NR2F1-AS1: variants seen among roughly 807,000 people sequenced by gnomAD.
The protein encoded by NR2F1-AS1 is NR2F1 antisense RNA 1.
At chr5:93,581,853 CCTCTCT>C (rs1160839598), upstream of NR2F1-AS1, among the ~76,000 whole-genome samples, 4 of 39,888 alleles carry the variant, frequency 1.0e-4, no homozygotes, top group African/African-American at 2.5e-4. Flanking sequence ...CTCTCTCTCT[CCTCTCT>C]CTCTCTCTCC....
At chr5:93,532,729 A>G (rs1751760506) in intron 4 of NR2F1-AS1, among the ~76,000 whole-genome samples, 1 of 152,226 alleles carries the variant, frequency 6.6e-6, no homozygotes, top group Non-Finnish European at 1.5e-5. Context: ...AGAAACCATG[A>G]GCCTCAGATT....
At chr5:93,545,550 T>C (rs1210676686) in intron 4 of NR2F1-AS1, among the ~76,000 whole-genome samples, 1 of 152,220 alleles carries the variant, frequency 6.6e-6, no homozygotes, top group Admixed American at 6.5e-5. Flanking sequence ...TATGCTAAAC[T>C]TCTATTAAGT....
At chr5:93,552,320 G>T (rs552052643) in intron 4 of NR2F1-AS1, among the ~76,000 whole-genome samples, 1 of 152,206 alleles carries the variant, frequency 6.6e-6, no homozygotes, top group East Asian at 1.9e-4. Flanking sequence ...GAGCAAAGAG[G>T]AAAGACTATA....
intron 4 of NR2F1-AS1, among the ~76,000 whole-genome samples, chr5:93,538,230 T>C (rs1409673407): frequency 6.6e-6 from 1 of 152,164 alleles, no homozygotes; most frequent in East Asian, 1.9e-4. Flanking sequence ...CCCAGCACTT[T>C]AGAAGGTTGA....
chr5:93,583,098 C>CT (rs1753150956), upstream of NR2F1-AS1: 1 of 152,222 alleles, frequency 6.6e-6, no homozygotes, highest in Non-Finnish European at 1.5e-5. Flanking sequence ...CAGTTGCCAG[C>CT]AGCCCTTCTC....
chr5:93,500,892 G>T (rs1274728858), intron 4 of NR2F1-AS1, among the ~76,000 whole-genome samples: 2 of 152,186 alleles, frequency 1.3e-5, no homozygotes, highest in Admixed American at 1.3e-4. Flanking sequence ...TAGGATTACA[G>T]TGTGAGCCAC....
At chr5:93,559,338 G>A (rs1358991179) in intron 2 of NR2F1-AS1, among the ~76,000 whole-genome samples, 1 of 152,216 alleles carries the variant, frequency 6.6e-6, no homozygotes, top group Admixed American at 6.5e-5. Context: ...ATCGAAGAGA[G>A]TTAGGGCTTT....
At chr5:93,462,957 C>T (rs1026000964) in intron 4 of NR2F1-AS1, among the ~76,000 whole-genome samples, 2 of 152,152 alleles carry the variant, frequency 1.3e-5, no homozygotes, top group African/African-American at 4.8e-5. Flanking sequence ...AACCTGATGA[C>T]ATGATAGAAA....
At chr5:93,538,144 AAATG>A (rs887565044) in intron 4 of NR2F1-AS1, among the ~76,000 whole-genome samples, 1 of 152,144 alleles carries the variant, frequency 6.6e-6, no homozygotes, top group Non-Finnish European at 1.5e-5. Context: ...ATGGGTTGGA[AAATG>A]AATGAATGAA....
chr5:93,488,309 C>G (rs1426230875), intron 4 of NR2F1-AS1, among the ~76,000 whole-genome samples: 1 of 152,134 alleles, frequency 6.6e-6, no homozygotes, highest in Non-Finnish European at 1.5e-5. Context: ...AGGCAACCTA[C>G]AGAATGGGAG....
intron 4 of NR2F1-AS1, among the ~76,000 whole-genome samples, chr5:93,471,872 C>G (rs1349766442): frequency 6.6e-6 from 1 of 151,820 alleles, no homozygotes; most frequent in Non-Finnish European, 1.5e-5. Context: ...ATTTGTATTT[C>G]CATCAAAGGT....
intron 4 of NR2F1-AS1, among the ~76,000 whole-genome samples, chr5:93,552,797 T>C (rs1752262436): frequency 6.6e-6 from 1 of 152,142 alleles, no homozygotes; most frequent in Non-Finnish European, 1.5e-5. Context: ...CATAAGTGAC[T>C]GTAGCAAGTT....
chr5:93,438,802 A>G (rs1227353925), intron 4 of NR2F1-AS1: 1 of 152,210 alleles, frequency 6.6e-6, no homozygotes, highest in Non-Finnish European at 1.5e-5. Flanking sequence ...TCTAACATAA[A>G]AGACTTGGGA....
intron 4 of NR2F1-AS1, among the ~76,000 whole-genome samples, chr5:93,449,384 C>T (rs1244292778): frequency 2.0e-5 from 3 of 152,090 alleles, no homozygotes; most frequent in African/African-American, 7.2e-5. Context: ...ACAGTAAAGG[C>T]CTGGATACAG....
intron 4 of NR2F1-AS1, among the ~76,000 whole-genome samples, chr5:93,455,343 T>C (rs1021888662): frequency 7.9e-5 from 12 of 152,316 alleles, no homozygotes; most frequent in East Asian, 3.9e-4. Flanking sequence ...TATGTAAAGA[T>C]AGACTGTGAT....
intron 4 of NR2F1-AS1, among the ~76,000 whole-genome samples, chr5:93,421,929 T>TA (rs1749097380): frequency 6.6e-6 from 1 of 152,226 alleles, no homozygotes; most frequent in South Asian, 2.1e-4. Context: ...AACCTTAAAT[T>TA]ACGGCTTTCA....
At chr5:93,546,386 T>C (rs1391760337) in intron 4 of NR2F1-AS1, among the ~76,000 whole-genome samples, 4 of 152,158 alleles carry the variant, frequency 2.6e-5, no homozygotes, top group Non-Finnish European at 5.9e-5. Context: ...AAATATAAAT[T>C]ATTTAAAGAG....
intron 4 of NR2F1-AS1, among the ~76,000 whole-genome samples, chr5:93,443,263 G>C (rs1749615154): frequency 6.6e-6 from 1 of 152,160 alleles, no homozygotes; most frequent in East Asian, 1.9e-4. Flanking sequence ...GCTAAAGTAT[G>C]ATGTTTGAAC....
At chr5:93,438,748 G>A (rs1041433132) in intron 4 of NR2F1-AS1, 1 of 152,192 alleles carries the variant, frequency 6.6e-6, no homozygotes, top group Non-Finnish European at 1.5e-5. Flanking sequence ...TCACCTGAGG[G>A]GGAAAGGAGG....
Sources: allele counts gnomAD v4.1 joint callset (sites outside exome capture counted in the v4.1 genomes callset), GRCh38; gene constraint gnomAD v4.1.1; transcripts MANE v1.5; gene names NCBI Gene and HGNC (gene_info 2026-07-23, HGNC 2026-07-21).